MED13L: variants seen among roughly 807,000 people sequenced by gnomAD.
MED13L encodes mediator of RNA polymerase II transcription subunit 13-like.
MED13L carries 7 observed loss-of-function variants against 220.9 expected under a neutral mutation model. The observed-to-expected ratio is 0.03, with a 90% CI of 0.02 to 0.06. MED13L has a LOEUF of 0.06. Ranked by LOEUF, MED13L falls within the 10% of genes least tolerant of loss-of-function variation. The pLI, the probability that MED13L is intolerant of heterozygous loss-of-function variation, is 1.00. For missense variants in MED13L, 1,965 were observed against 2,760.5 expected, an observed-to-expected ratio of 0.71 and a Z score of 6.46; for synonymous variants, 1,011 against 1,015.2, an observed-to-expected ratio of 1.00 and a Z score of 0.08.
chr12:116,085,906 G>A (rs1301515564), intron 4 of MED13L, among the ~76,000 whole-genome samples: 1 of 152,148 alleles, frequency 6.6e-6, no homozygotes, highest in Non-Finnish European at 1.5e-5. Flanking sequence ...AATTTAACTT[G>A]AATTGCCAGG....
At chr12:116,066,837 G>A (rs149373769) in intron 4 of MED13L, among the ~76,000 whole-genome samples, 136 of 151,528 alleles carry the variant, frequency 9.0e-4, no homozygotes, top group African/African-American at 3.1e-3. Context: ...GTCACATGCA[G>A]CCACTCCAAC....
intron 16 of MED13L, among the ~76,000 whole-genome samples, chr12:115,995,965 C>A (rs1013997465): frequency 6.6e-6 from 1 of 152,220 alleles, no homozygotes; most frequent in Non-Finnish European, 1.5e-5. Flanking sequence ...AAGTCAGGGA[C>A]TGTCTGCATA....
At chr12:116,244,560 A>G (rs77927574) in intron 1 of MED13L, among the ~76,000 whole-genome samples, 3,025 of 152,330 alleles carry the variant, frequency 0.02, 57 homozygotes, top group Middle Eastern at 0.054. Context: ...ATTGACACAG[A>G]ATCCCCTCAG....
At chr12:116,219,396 A>G (rs1160468166) in intron 2 of MED13L, among the ~76,000 whole-genome samples, 1 of 152,222 alleles carries the variant, frequency 6.6e-6, no homozygotes, top group Non-Finnish European at 1.5e-5. Flanking sequence ...ATTTTAACTA[A>G]AGCTAGATCA....
rs1282867330 is a variant in MED13L at position 116,078,783 on chromosome 12, T to A, written c.479+17886A>T. Among the ~76,000 whole-genome samples the A allele has an allele frequency of 2.6e-5, 4 of 152,150 alleles. No homozygotes were observed. In the East Asian group the frequency reaches 5.8e-4, roughly 22 times the overall value. ...CTGCCCCTCCTAAAAGTAAAATGCA[T>A]ACAAACCACATCTACTTTGAAATTG... is the stretch of plus-strand genomic sequence containing the variant. On this transcript the variant is annotated intron_variant, in intron 4 of 30. Transcript: ENST00000281928.
chr12:116,039,273 AGCCTTTC>A (rs2137535139), intron 4 of MED13L, among the ~76,000 whole-genome samples: 1 of 152,352 alleles, frequency 6.6e-6, no homozygotes, highest in South Asian at 2.1e-4. Flanking sequence ...ATTTGGCATT[AGCCTTTC>A]AGAGACCAGG....
intron 5 of MED13L, 104 bp downstream of exon 5, chr12:116,022,352 A>C: frequency 3.0e-6 from 4 of 1,350,618 alleles, no homozygotes; most frequent in Non-Finnish European, 4.2e-6. Context: ...TTAGCTTTAA[A>C]ATGTCCATTT....
intron 1 of MED13L, among the ~76,000 whole-genome samples, chr12:116,252,008 G>A (rs576636534): frequency 3.9e-5 from 6 of 151,930 alleles, no homozygotes; most frequent in African/African-American, 1.2e-4. Flanking sequence ...AATCTAAAAT[G>A]TCTAGGCACC....
chr12:116,148,605 ATATC>A (rs752620275), intron 2 of MED13L: 20 of 159,996 alleles, frequency 1.3e-4, no homozygotes, highest in African/African-American at 8.1e-4. Context: ...ATATATGGAG[ATATC>A]TATATATATA....
At chr12:116,077,291 T>G (rs868833523) in intron 4 of MED13L, among the ~76,000 whole-genome samples, 18 of 152,308 alleles carry the variant, frequency 1.2e-4, no homozygotes, top group Middle Eastern at 3.4e-3. Context: ...TCGGCAGGAC[T>G]TCGGAAAGTT....
At chr12:116,106,299 T>A (rs1873569446) in intron 3 of MED13L, among the ~76,000 whole-genome samples, 1 of 152,020 alleles carries the variant, frequency 6.6e-6, no homozygotes, top group African/African-American at 2.4e-5. Flanking sequence ...GAATTCAATA[T>A]TATATATTAA....
At chr12:116,087,050 T>C (rs1177312051) in intron 4 of MED13L, among the ~76,000 whole-genome samples, 3 of 152,212 alleles carry the variant, frequency 2.0e-5, no homozygotes, top group African/African-American at 7.2e-5. Context: ...AAATTGTGTA[T>C]ATAAAAACTG....
At chr12:115,995,005 T>C (rs1878307012) in intron 16 of MED13L, among the ~76,000 whole-genome samples, 1 of 152,234 alleles carries the variant, frequency 6.6e-6, no homozygotes, top group Non-Finnish European at 1.5e-5. Context: ...CATATAATTT[T>C]TGCAAGGCAG....
intron 28 of MED13L, among the ~76,000 whole-genome samples, chr12:115,966,524 G>T (rs978495264): frequency 1.3e-5 from 2 of 152,182 alleles, no homozygotes; most frequent in African/African-American, 4.8e-5. Context: ...ATGGCATTAT[G>T]ATGTAACAAA....
At chr12:116,031,709 A>AGAAAAGAAAAG (rs1566020506) in intron 4 of MED13L, among the ~76,000 whole-genome samples, 1 of 57,086 alleles carries the variant, frequency 1.8e-5, no homozygotes, top group Non-Finnish European at 3.4e-5. Context: ...AGAAAAGAAA[A>AGAAAAGAAAAG]GAAAAGAAAA....
rs776268079 is a variant in MED13L at position 115,984,338 on chromosome 12, T to C, written c.4373A>G (p.Lys1458Arg). Residue 1458 changes from lysine to arginine, a missense_variant, in exon 20 of 31, where the codon AAA (lysine) becomes AGA (arginine). Coordinates refer to ENST00000281928, the MANE Select transcript of MED13L (RefSeq NM_015335.5). The part of the protein sequence containing the change: ...CRLGQHKPIC[K>R]VLRDGIMRVG... The stretch of plus-strand genomic sequence containing the variant: ...GCGCATGATCCCGTCACGTAGCACT[T>C]TGCAGATGGGCTTGTGCTGCCCAAG... 4.3e-6 allele frequency: 7 copies of C among 1,614,004 alleles called. No individual in the cohort carries two copies. Among genetic ancestry groups the C allele is most frequent in the Non-Finnish European group, 5.9e-6 (7 of 1,180,014 alleles).
intron 1 of MED13L, among the ~76,000 whole-genome samples, chr12:116,254,615 G>A (rs538193086): frequency 2.2e-4 from 34 of 151,996 alleles, no homozygotes; most frequent in African/African-American, 7.7e-4. Context: ...GCCAGGCATG[G>A]TGGCATACAC....
chr12:115,974,458 A>AT (rs1406447781), intron 25 of MED13L, among the ~76,000 whole-genome samples: 2 of 152,232 alleles, frequency 1.3e-5, no homozygotes, highest in Admixed American at 6.5e-5. Context: ...TACTACTCAC[A>AT]TAAAACTGTA....
At chr12:116,245,390 C>G (rs907369057) in intron 1 of MED13L, among the ~76,000 whole-genome samples, 1 of 152,180 alleles carries the variant, frequency 6.6e-6, no homozygotes, top group Non-Finnish European at 1.5e-5. Flanking sequence ...AAATGTCGGT[C>G]ACATGCTCAG....
Sources: gnomAD v4.1 joint callset for allele counts (sites outside exome capture counted in the v4.1 genomes callset) on GRCh38, gnomAD v4.1.1 for gene constraint, MANE v1.5 for transcripts, NCBI Gene and HGNC (gene_info 2026-07-23, HGNC 2026-07-21) for gene names.